Variants in OR51B5 observed in about 807,000 individuals in gnomAD.
OR51B5 encodes the protein olfactory receptor 51B5.
For synonymous variants in OR51B5, 186 were observed against 144.8 expected, an observed-to-expected ratio of 1.28 and a Z score of -2.04; for missense variants, 456 against 374.6, an observed-to-expected ratio of 1.22 and a Z score of -1.79.
intron 1 of OR51B5, among the ~76,000 whole-genome samples, chr11:5,491,680 T>C (rs1021258245): frequency 4.5e-4 from 69 of 151,966 alleles, no homozygotes; most frequent in African/African-American, 1.6e-3. Flanking sequence ...TCTCAATCAA[T>C]TGTTACTGAA....
chr11:5,460,981 C>A lies in OR51B5; in HGVS notation n.84+44588G>T, dbSNP rs572517133. Among the ~76,000 whole-genome samples the A allele has an allele frequency of 1.1e-4, 16 of 152,284 alleles. 1 individual carries two copies. The South Asian group carries it at 3.3e-3, about 32-fold the overall frequency. On this transcript the variant is annotated intron_variant and non_coding_transcript_variant, in intron 1 of 4. Coordinates refer to the OR51B5 transcript ENST00000415970. ...GGCCAAGGTGCTCCCAGCTCACTGG[C>A]AACAACACTCTGACAGGGGCTGCCA... is the stretch of plus-strand genomic sequence containing the variant.
At chr11:5,480,082 T>A (rs1202085324) in intron 1 of OR51B5, among the ~76,000 whole-genome samples, 1 of 151,956 alleles carries the variant, frequency 6.6e-6, no homozygotes, top group East Asian at 1.9e-4. Context: ...CCACACCTAT[T>A]CCAAAATTGA....
chr11:5,351,154 C>A (rs1849079197), intron 1 of OR51B5, among the ~76,000 whole-genome samples: 1 of 152,134 alleles, frequency 6.6e-6, no homozygotes. Context: ...AAGTTTCAGG[C>A]CATTACAGCA....
intron 1 of OR51B5, among the ~76,000 whole-genome samples, chr11:5,443,360 C>T (rs1003597074): frequency 1.8e-4 from 27 of 150,690 alleles, no homozygotes; most frequent in African/African-American, 6.1e-4. Context: ...TTTGGTTTCT[C>T]TCTCCTCCCA....
chr11:5,503,572 T>C (rs1468601920), intron 1 of OR51B5, among the ~76,000 whole-genome samples: 1 of 152,238 alleles, frequency 6.6e-6, no homozygotes, highest in Admixed American at 6.5e-5. Flanking sequence ...TGCTATAAAG[T>C]GTACTTGGAA....
At chr11:5,343,360 C>T (rs1417152828) in exon 1 of OR51B5, 2 of 1,613,392 alleles carry the variant, frequency 1.2e-6, no homozygotes, top group East Asian at 4.5e-5. Flanking sequence ...AGTACATGGG[C>T]TCATGAAGAT....
At chr11:5,458,264 G>T (rs1205337404) in intron 1 of OR51B5, among the ~76,000 whole-genome samples, 2 of 152,134 alleles carry the variant, frequency 1.3e-5, no homozygotes, top group Non-Finnish European at 2.9e-5. Context: ...CTTTGTCAAA[G>T]ATCAGATGGT....
intron 1 of OR51B5, among the ~76,000 whole-genome samples, chr11:5,375,091 G>A (rs973265705): frequency 2.7e-5 from 4 of 150,222 alleles, no homozygotes; most frequent in South Asian, 2.2e-4. Flanking sequence ...GAGAAAGGTC[G>A]GGTTACCCAC....
At chr11:5,389,498 G>A (rs1849755910) in intron 1 of OR51B5, 2 of 1,613,852 alleles carry the variant, frequency 1.2e-6, no homozygotes, top group African/African-American at 2.7e-5. Context: ...TGGATTGGAA[G>A]GCATCAAACA....
intron 1 of OR51B5, among the ~76,000 whole-genome samples, chr11:5,427,021 C>T (rs1436133977): frequency 6.6e-6 from 1 of 152,190 alleles, no homozygotes; most frequent in Non-Finnish European, 1.5e-5. Flanking sequence ...TTCCACTACT[C>T]ACCTTCCCAT....
At chr11:5,378,639 C>A (rs1381960018) in intron 1 of OR51B5, among the ~76,000 whole-genome samples, 3 of 152,020 alleles carry the variant, frequency 2.0e-5, no homozygotes, top group East Asian at 3.9e-4. Flanking sequence ...GCCCCATCAA[C>A]AAGTGGGCAA....
intron 1 of OR51B5, among the ~76,000 whole-genome samples, chr11:5,490,643 T>C (rs1364632457): frequency 2.6e-5 from 4 of 152,226 alleles, no homozygotes; most frequent in Non-Finnish European, 4.4e-5. Flanking sequence ...ATTTGCATTA[T>C]AAATTAAAAG....
chr11:5,426,675 G>A (rs1350251727), intron 1 of OR51B5, among the ~76,000 whole-genome samples: 2 of 152,048 alleles, frequency 1.3e-5, no homozygotes, highest in Admixed American at 6.6e-5. Context: ...TTGGCATGTT[G>A]AGTGCTTTAA....
At chr11:5,483,879 G>A (rs1014197921) in intron 1 of OR51B5, among the ~76,000 whole-genome samples, 1 of 152,114 alleles carries the variant, frequency 6.6e-6, no homozygotes, top group Non-Finnish European at 1.5e-5. Context: ...AGAAAACTGA[G>A]AAAGGACAAG....
intron 1 of OR51B5, among the ~76,000 whole-genome samples, chr11:5,363,496 A>G (rs1223033645): frequency 6.6e-6 from 1 of 151,690 alleles, no homozygotes; most frequent in Non-Finnish European, 1.5e-5. Context: ...ACACAATCAT[A>G]AACACACATC....
At chr11:5,413,882 T>A (rs1262374777) in intron 1 of OR51B5, among the ~76,000 whole-genome samples, 3 of 150,782 alleles carry the variant, frequency 2.0e-5, no homozygotes, top group African/African-American at 7.3e-5. Context: ...CAGGAGAACT[T>A]CCCCAATCTA....
intron 1 of OR51B5, chr11:5,469,142 G>T (rs61738627): frequency 2.0e-3 from 440 of 225,348 alleles, no homozygotes; most frequent in Non-Finnish European, 3.1e-3. Flanking sequence ...ATCAAAAGTT[G>T]TCTCTGGGGC....
At chr11:5,403,886 A>C (rs1028194183) in intron 1 of OR51B5, among the ~76,000 whole-genome samples, 1 of 152,060 alleles carries the variant, frequency 6.6e-6, no homozygotes, top group Non-Finnish European at 1.5e-5. Context: ...TGGGAAATCT[A>C]TTGAGCCCTC....
intron 1 of OR51B5, among the ~76,000 whole-genome samples, chr11:5,406,042 A>T (rs1352409977): frequency 1.3e-5 from 2 of 152,216 alleles, no homozygotes; most frequent in Non-Finnish European, 2.9e-5. Flanking sequence ...CTGTAAAAAG[A>T]TGTCCCACAA....
Sources: allele counts gnomAD v4.1 joint callset (sites outside exome capture counted in the v4.1 genomes callset), GRCh38; gene constraint gnomAD v4.1.1; transcripts MANE v1.5; gene names NCBI Gene and HGNC (gene_info 2026-07-23, HGNC 2026-07-21).